The following ERICH1 variants were observed in gnomAD, a reference collection of about 807,000 sequenced individuals.
ERICH1 encodes glutamate-rich protein 1.
A neutral mutation model predicts 39.6 loss-of-function variants in ERICH1; 56 were observed. The ratio of observed to expected loss-of-function variants is 1.41; its 90% CI spans 1.14 to 1.77. The LOEUF is 1.77. Among genes scored for constraint, ERICH1 ranks in the 40% most tolerant of loss-of-function variants. ERICH1 has a pLI of 0.00. For missense variants in ERICH1, 826 were observed against 575.4 expected, an observed-to-expected ratio of 1.44 and a Z score of -4.45; for synonymous variants, 313 against 223.6, an observed-to-expected ratio of 1.40 and a Z score of -3.57.
downstream of ERICH1, among the ~76,000 whole-genome samples, chr8:660,202 T>C (rs1403064373): frequency 6.6e-6 from 1 of 152,248 alleles, no homozygotes; most frequent in African/African-American, 2.4e-5. Context: ...CTGCCCAGTG[T>C]CATGGCCTCC....
At chr8:702,903 G>A (rs1054779459) in intron 2 of ERICH1, among the ~76,000 whole-genome samples, 4 of 152,362 alleles carry the variant, frequency 2.6e-5, no homozygotes, top group Middle Eastern at 6.8e-3. Flanking sequence ...AGCAGTGGGT[G>A]TCCTACCCAG....
chr8:624,540 G>C (rs1168647428), intron 3 of ERICH1, among the ~76,000 whole-genome samples: 1 of 152,116 alleles, frequency 6.6e-6, no homozygotes, highest in African/African-American at 2.4e-5. Context: ...AATTTCTAAA[G>C]AAAAGATGTT....
intron 3 of ERICH1, among the ~76,000 whole-genome samples, chr8:687,636 C>CAGCGCGCGGGG (rs1383279845): frequency 2.6e-5 from 4 of 152,138 alleles, no homozygotes; most frequent in African/African-American, 7.2e-5. Flanking sequence ...AGGAGGAAGG[C>CAGCGCGCGGGG]AGCGCGCGGG....
At chr8:656,778 C>G in intron 3 of ERICH1, 1 of 985,466 alleles carries the variant, frequency 1.0e-6, no homozygotes, top group Non-Finnish European at 1.2e-6. Flanking sequence ...AAACGGTGCA[C>G]AGCAGTGGTT....
At chr8:675,156 C>CG (rs530666715) in intron 3 of ERICH1, among the ~76,000 whole-genome samples, 1,949 of 59,764 alleles carry the variant, frequency 0.033, 286 homozygotes, top group Non-Finnish European at 0.061. Context: ...GGCGGCCCCT[C>CG]GTGAGGACAG....
intron 1 of ERICH1, among the ~76,000 whole-genome samples, chr8:723,033 T>G (rs1817700299): frequency 6.6e-6 from 1 of 152,094 alleles, no homozygotes; most frequent in South Asian, 2.1e-4. Context: ...TACTGGGAGG[T>G]GTCTGGGCCA....
At chr8:651,781 G>C (rs1799984323) in intron 3 of ERICH1, among the ~76,000 whole-genome samples, 1 of 151,984 alleles carries the variant, frequency 6.6e-6, no homozygotes, top group South Asian at 2.1e-4. Flanking sequence ...AGGGCATCTG[G>C]TTTCCCTTCG....
At chr8:730,131 C>G (rs1054018461) in intron 1 of ERICH1, among the ~76,000 whole-genome samples, 2 of 152,114 alleles carry the variant, frequency 1.3e-5, no homozygotes, top group African/African-American at 4.8e-5. Flanking sequence ...ACGTGAATGT[C>G]CATTTTAGAG....
rs141174262 is a variant in ERICH1 at position 631,701 on chromosome 8, C to T, written c.977-16417G>A. On this transcript the variant is annotated intron_variant, in intron 3 of 3. Coordinates refer to the ERICH1 transcript ENST00000522706. ...AGCCCTTTTTCAGTGTGCTGTTCAG[C>T]GGCACTGAGCGCTTCACACTGGTGC... 2.2e-4 allele frequency among the ~76,000 whole-genome samples: 33 copies of T among 152,222 alleles called. 1 individual carries two copies. In the East Asian group the frequency reaches 5.2e-3, roughly 24 times the overall value.
At chr8:653,153 T>C (rs1445014995) in intron 3 of ERICH1, among the ~76,000 whole-genome samples, 1 of 152,226 alleles carries the variant, frequency 6.6e-6, no homozygotes, top group East Asian at 1.9e-4. Context: ...TGTACACCCA[T>C]GTACAGAGTA....
intron 3 of ERICH1, among the ~76,000 whole-genome samples, chr8:627,403 C>G (rs185814438): frequency 1.3e-5 from 2 of 152,216 alleles, no homozygotes; most frequent in Admixed American, 6.5e-5. Flanking sequence ...CACATGCCAA[C>G]TTCAACAAAC....
At chr8:681,988 A>C (rs1806234909) in intron 3 of ERICH1, among the ~76,000 whole-genome samples, 2 of 151,394 alleles carry the variant, frequency 1.3e-5, no homozygotes, top group African/African-American at 4.9e-5. Flanking sequence ...GTTTAGCCAG[A>C]CTCTCCCTCA....
chr8:642,992 C>T (rs944570274), intron 3 of ERICH1, among the ~76,000 whole-genome samples: 1 of 152,106 alleles, frequency 6.6e-6, no homozygotes, highest in Non-Finnish European at 1.5e-5. Flanking sequence ...GAACGTGGCC[C>T]GAAACAAACT....
intron 1 of ERICH1, among the ~76,000 whole-genome samples, chr8:716,403 G>T (rs1223204094): frequency 1.3e-5 from 2 of 152,240 alleles, no homozygotes; most frequent in East Asian, 1.9e-4. Flanking sequence ...GGTGTCAGTG[G>T]CCCACAGTGC....
chr8:707,769 G>T (rs1486245730), intron 2 of ERICH1, among the ~76,000 whole-genome samples: 1 of 152,050 alleles, frequency 6.6e-6, no homozygotes, highest in East Asian at 1.9e-4. Flanking sequence ...AAAAAACACA[G>T]GCAACAAAAG....
At chr8:636,393 T>A (rs754039784) in intron 3 of ERICH1, among the ~76,000 whole-genome samples, 2 of 152,220 alleles carry the variant, frequency 1.3e-5, no homozygotes, top group Admixed American at 1.3e-4. Flanking sequence ...GGTCACGGGA[T>A]GCCTTTTCAT....
chr8:668,955 C>T (rs1304931400), intron 4 of ERICH1, 163 bp from the exon 5 acceptor site: 1 of 682,326 alleles, frequency 1.5e-6, no homozygotes, highest in Non-Finnish European at 2.4e-6. Flanking sequence ...GAACAGAGCT[C>T]AGCACAAAAT....
chr8:693,744 C>G (rs779431725), intron 2 of ERICH1, among the ~76,000 whole-genome samples: 5 of 151,178 alleles, frequency 3.3e-5, no homozygotes, highest in Non-Finnish European at 7.4e-5. Context: ...CTGTGTGCCC[C>G]TCTGCGCACG....
At chr8:727,737 G>T (rs1215114452) in intron 1 of ERICH1, among the ~76,000 whole-genome samples, 1 of 152,148 alleles carries the variant, frequency 6.6e-6, no homozygotes, top group East Asian at 1.9e-4. Flanking sequence ...GGCCCAGCCG[G>T]GCCAGCAAGG....
Sources: allele counts gnomAD v4.1 joint callset (sites outside exome capture counted in the v4.1 genomes callset), GRCh38; gene constraint gnomAD v4.1.1; transcripts MANE v1.5; gene names NCBI Gene and HGNC (gene_info 2026-07-23, HGNC 2026-07-21).